Variants in MAP2K6 observed in about 807,000 individuals in gnomAD.
MAP2K6 encodes the protein dual specificity mitogen-activated protein kinase kinase 6.
In MAP2K6, 16 loss-of-function variants were observed where a neutral mutation model predicts 53.7. The observed-to-expected ratio is 0.30, with a 90% CI of 0.20 to 0.45. The LOEUF is 0.45. Ranked by LOEUF, MAP2K6 falls within the 20% of genes least tolerant of loss-of-function variation. The probability of loss-of-function intolerance (pLI) is 1.00; values close to 1 mark genes in which losing one functional copy is unlikely to be tolerated. For synonymous variants in MAP2K6, 132 were observed against 143.1 expected (o/e 0.92, Z 0.55); for missense variants, 204 against 411.9 (o/e 0.50, Z 4.37).
chr17:69,429,729 G>T (rs1316131284), intron 1 of MAP2K6, among the ~76,000 whole-genome samples: 1 of 152,170 alleles, frequency 6.6e-6, no homozygotes, highest in East Asian at 1.9e-4. Context: ...GGCATGTTGT[G>T]TGAGGTGGTT....
chr17:69,416,043 G>A (rs1164675753), intron 1 of MAP2K6, among the ~76,000 whole-genome samples: 5 of 152,124 alleles, frequency 3.3e-5, no homozygotes, highest in African/African-American at 1.2e-4. Flanking sequence ...CAGAACAATT[G>A]TTTCTTTACC....
chr17:69,432,865 C>T lies in MAP2K6; in HGVS notation c.16+17865C>T, dbSNP rs376048064. ...TTACAGATGCATCTCCTTGGATTTG[C>T]TTATATTCTTTGTGAGGGGAAGAGA... On this transcript the variant is annotated intron_variant, in intron 1 of 11. Coordinates refer to ENST00000590474, the MANE Select transcript of MAP2K6 (RefSeq NM_002758.4). 1.1e-4 allele frequency among the ~76,000 whole-genome samples: 16 copies of T among 149,478 alleles called. No individual in the cohort carries two copies. The East Asian group carries it at 2.7e-3, about 26-fold the overall frequency.
intron 1 of MAP2K6, among the ~76,000 whole-genome samples, chr17:69,465,843 T>A (rs959486337): frequency 3.3e-5 from 5 of 151,294 alleles, no homozygotes; most frequent in African/African-American, 1.2e-4. Flanking sequence ...GGTCTCAAAC[T>A]ACTGACCTCA....
intron 2 of MAP2K6, among the ~76,000 whole-genome samples, chr17:69,508,753 T>C (rs1909658310): frequency 6.6e-6 from 1 of 152,254 alleles, no homozygotes; most frequent in Admixed American, 6.5e-5. Context: ...GCATTTTGCA[T>C]TTAAGCCCAT....
chr17:69,425,695 T>C (rs992908673), intron 1 of MAP2K6, among the ~76,000 whole-genome samples: 1 of 152,230 alleles, frequency 6.6e-6, no homozygotes, highest in African/African-American at 2.4e-5. Flanking sequence ...CATGATCCCA[T>C]GTCGAAGCTG....
chr17:69,449,868 T>C (rs1231348963), intron 1 of MAP2K6, among the ~76,000 whole-genome samples: 9 of 151,246 alleles, frequency 6.0e-5, no homozygotes, highest in African/African-American at 2.2e-4. Flanking sequence ...CCGCCTCGGC[T>C]TCCCAAAGTG....
intron 1 of MAP2K6, among the ~76,000 whole-genome samples, chr17:69,498,115 AC>A (rs1463539255): frequency 6.6e-6 from 1 of 152,036 alleles, no homozygotes; most frequent in African/African-American, 2.4e-5. Context: ...TGCAATGTGT[AC>A]CCTGGGGAAT....
chr17:69,523,044 AG>A (rs1910563303), intron 7 of MAP2K6, among the ~76,000 whole-genome samples: 1 of 152,218 alleles, frequency 6.6e-6, no homozygotes, highest in Non-Finnish European at 1.5e-5. Context: ...TGAGTGACAG[AG>A]TAAGACCTTA....
At chr17:69,461,086 T>G (rs1324605610) in intron 1 of MAP2K6, among the ~76,000 whole-genome samples, 1 of 152,214 alleles carries the variant, frequency 6.6e-6, no homozygotes, top group Non-Finnish European at 1.5e-5. Flanking sequence ...CCTTTCTGAC[T>G]AACAAGAAAG....
At position 69,552,129 on chromosome 17, in the gene MAP2K6, T is replaced by A. The variant is rs1223550165; in HGVS notation, c.*10376T>A. 6.6e-6 allele frequency: 1 copy of A among 152,244 alleles called. No homozygotes were observed. The highest frequency in any genetic ancestry group is 1.5e-5 in the Non-Finnish European group (1 of 68,036). 9.4% of individuals were successfully genotyped at this position (152,244 alleles called of 1,614,324 possible). On this transcript the variant is annotated 3_prime_UTR_variant, in exon 12 of 12. Coordinates refer to ENST00000590474, the MANE Select transcript of MAP2K6 (RefSeq NM_002758.4). ...TGTTATTTGTATATATGATTGATTGTTTGCCTGTTGCACCCTAAAGTTATT... is the reference window on the plus strand; with the variant it reads ...TGTTATTTGTATATATGATTGATTGATTGCCTGTTGCACCCTAAAGTTATT...
chr17:69,500,473 A>AAAAT (rs1909115600), intron 1 of MAP2K6, among the ~76,000 whole-genome samples: 2 of 118,694 alleles, frequency 1.7e-5, no homozygotes, highest in Admixed American at 9.1e-5. Context: ...AAAAAAAAAA[A>AAAAT]AGGCCGGCCA....
intron 1 of MAP2K6, among the ~76,000 whole-genome samples, chr17:69,466,224 G>A (rs183083163): frequency 4.6e-5 from 7 of 151,016 alleles, no homozygotes; most frequent in South Asian, 2.1e-4. Flanking sequence ...AACAGGAGGC[G>A]GAGGTTGCAG....
chr17:69,531,170 A>G (rs1049529850), intron 10 of MAP2K6, among the ~76,000 whole-genome samples: 3 of 151,968 alleles, frequency 2.0e-5, no homozygotes, highest in African/African-American at 4.8e-5. Flanking sequence ...GAGACTACGG[A>G]TTTCAAAAGT....
intron 1 of MAP2K6, among the ~76,000 whole-genome samples, chr17:69,463,383 G>C (rs1907687125): frequency 6.8e-6 from 1 of 148,036 alleles, no homozygotes; most frequent in East Asian, 2.0e-4. Context: ...GTATATATAT[G>C]TGTATCTATA....
At chr17:69,448,823 T>G (rs201219445) in intron 1 of MAP2K6, among the ~76,000 whole-genome samples, 1 of 152,200 alleles carries the variant, frequency 6.6e-6, no homozygotes, top group Non-Finnish European at 1.5e-5. Context: ...CTTTTTCGCC[T>G]CTCTTTTCTT....
At chr17:69,468,144 G>T (rs1907874049) in intron 1 of MAP2K6, among the ~76,000 whole-genome samples, 1 of 152,138 alleles carries the variant, frequency 6.6e-6, no homozygotes, top group African/African-American at 2.4e-5. Context: ...TTCCTAGATT[G>T]CTTCTCCTGT....
chr17:69,481,628 C>A (rs915075807), intron 1 of MAP2K6, among the ~76,000 whole-genome samples: 1 of 152,072 alleles, frequency 6.6e-6, no homozygotes, highest in Non-Finnish European at 1.5e-5. Context: ...TCTTCTGAGG[C>A]CTCTCCCCTT....
At position 69,541,918 on chromosome 17, in the gene MAP2K6, C is replaced by A; in HGVS notation, c.*165C>A. ...TTTTTACTCCCCCTCTTAAGGGGGC[C>A]TTGGAATCTATAGTATAGAATGAAC... On this transcript the variant is annotated 3_prime_UTR_variant, in exon 12 of 12. Transcript: ENST00000590474. 1.9e-6 allele frequency: 1 copy of A among 524,446 alleles called. No individual in the cohort carries two copies. The highest frequency in any genetic ancestry group is 3.6e-6 in the Non-Finnish European group (1 of 280,782). The allele number at this position is 524,446 out of a possible 1,614,324, so 32.5% of individuals were successfully genotyped here.
rs565943823 is a variant in MAP2K6, at chr17:69,448,569, G to C, written c.16+33569G>C. ...CCCAGTTGCAGCCGGCCCTGGCCAG[G>C]GCTCTTTTCATTCTCCATTGTATTT... On this transcript the variant is annotated intron_variant, in intron 1 of 11. Transcript: ENST00000590474. Among the ~76,000 whole-genome samples the C allele has an allele frequency of 1.3e-4, 19 of 151,958 alleles. No homozygotes were observed. The East Asian group carries it at 3.7e-3, about 29-fold the overall frequency.
Sources: gnomAD v4.1 joint callset for allele counts (sites outside exome capture counted in the v4.1 genomes callset) on GRCh38, gnomAD v4.1.1 for gene constraint, MANE v1.5 for transcripts, NCBI Gene and HGNC (gene_info 2026-07-23, HGNC 2026-07-21) for gene names.